GLT8D2: variants seen among roughly 807,000 people sequenced by gnomAD.
GLT8D2 encodes glycosyltransferase 8 domain-containing protein 2.
Under a neutral mutation model 44.5 loss-of-function variants are expected in GLT8D2, and 45 were observed. The observed-to-expected ratio is 1.01, with a 90% confidence interval of 0.80 to 1.30. The LOEUF is 1.30. Among genes scored for constraint, GLT8D2 ranks in the 50% most tolerant of loss-of-function variants. The pLI, the probability that GLT8D2 is intolerant of heterozygous loss-of-function variation, is 0.00. For missense variants in GLT8D2, 400 were observed against 430.4 expected (o/e 0.93, Z 0.62); for synonymous variants, 156 against 157.2 (o/e 0.99, Z 0.06).
intron 2 of GLT8D2, 111 bp from the exon 3 acceptor site, chr12:104,019,787 G>T: frequency 1.6e-6 from 1 of 618,000 alleles, no homozygotes; most frequent in South Asian, 2.5e-5. Flanking sequence ...TGAAGTGTGT[G>T]ATCATTTTTT....
chr12:103,999,536 C>A (rs1873933049), intron 5 of GLT8D2, 22 bp from the exon 6 acceptor site: 3 of 1,388,842 alleles, frequency 2.2e-6, no homozygotes, highest in Non-Finnish European at 3.1e-6. Flanking sequence ...ACCAAAAAAA[C>A]CTCTAGTATA....
intron 1 of GLT8D2, among the ~76,000 whole-genome samples, chr12:104,060,209 C>T (rs1687271372): frequency 6.6e-6 from 1 of 152,178 alleles, no homozygotes; most frequent in Non-Finnish European, 1.5e-5. Flanking sequence ...ACTTCTCTGG[C>T]TACCTATTCT....
intron 1 of GLT8D2, among the ~76,000 whole-genome samples, chr12:104,023,870 T>G (rs1011044522): frequency 6.6e-6 from 1 of 152,236 alleles, no homozygotes; most frequent in Non-Finnish European, 1.5e-5. Flanking sequence ...ACCAATAGTT[T>G]GTACCTTTTT....
rs1029921424 is a variant in GLT8D2, at chr12:104,014,413, G to A, written c.112+600C>T. The A allele has an allele frequency of 6.6e-6, 4 of 608,798 alleles. No individual in the cohort carries two copies. The African/African-American group carries it at 7.4e-5, about 11-fold the overall frequency. The allele number at this position is 608,798 out of a possible 1,614,324, so 37.7% of individuals were successfully genotyped here. A position where few individuals can be genotyped will look rare whatever the true frequency, so the allele number is the denominator to read the frequency against. On this transcript the variant is annotated intron_variant, in intron 4 of 10. Transcript: ENST00000360814. The stretch of plus-strand genomic sequence containing the variant: ...AACAGTGCTTCCTGATTTTTATGGA[G>A]GTTGACTTTGTGTGTGCATTGGAGT...
chr12:104,032,754 G>A (rs1015656402), intron 1 of GLT8D2, among the ~76,000 whole-genome samples: 2 of 151,886 alleles, frequency 1.3e-5, no homozygotes, highest in African/African-American at 4.8e-5. Flanking sequence ...ACAATATGGA[G>A]GTCTCTCAAA....
chr12:104,054,314 G>C (rs1881989482), upstream of GLT8D2, among the ~76,000 whole-genome samples: 1 of 152,004 alleles, frequency 6.6e-6, no homozygotes, highest in African/African-American at 2.4e-5. Context: ...ATGCCCTCAA[G>C]TTTCATCCAC....
In GLT8D2 at chr12:104,018,752, T is replaced by A. The variant is rs1249081414; in HGVS notation, c.19+878A>T. Among the ~76,000 whole-genome samples, 6 of 152,160 alleles carry A rather than the reference T, an allele frequency of 3.9e-5. No individual in the cohort carries two copies. In the East Asian group the frequency reaches 9.6e-4, roughly 24 times the overall value. On this transcript the variant is annotated intron_variant, in intron 3 of 10. Coordinates refer to ENST00000360814, the MANE Select transcript of GLT8D2 (RefSeq NM_001384711.1). Reference sequence around the variant, plus strand: ...ACCCAGGCAAGTATGTCTCATGCAATATTTGGGACATACTTATACTAAAAA... The same window carrying A: ...ACCCAGGCAAGTATGTCTCATGCAAAATTTGGGACATACTTATACTAAAAA...
chr12:104,014,354 CA>C (rs370390281), intron 4 of GLT8D2: 2,687 of 556,702 alleles, frequency 4.8e-3, no homozygotes, highest in South Asian at 8.3e-3. Flanking sequence ...GATTCTGTCT[CA>C]AAAAAAAAAG....
At chr12:104,028,139 C>T (rs111454125) in intron 1 of GLT8D2, among the ~76,000 whole-genome samples, 5,550 of 152,226 alleles carry the variant, frequency 0.036, 340 homozygotes, top group African/African-American at 0.13. Flanking sequence ...TAATCGCATG[C>T]CAATTGCAAG....
intron 1 of GLT8D2, among the ~76,000 whole-genome samples, chr12:104,056,375 T>C (rs990855491): frequency 1.3e-5 from 2 of 152,150 alleles, no homozygotes; most frequent in Non-Finnish European, 2.9e-5. Flanking sequence ...GAGTCCTCAA[T>C]TGAGATTAAA....
intron 1 of GLT8D2, among the ~76,000 whole-genome samples, chr12:104,026,000 C>T (rs1407161973): frequency 1.3e-5 from 2 of 152,126 alleles, no homozygotes; most frequent in African/African-American, 4.8e-5. Context: ...ATAATGTGGC[C>T]AGGTATGGTG....
Position 103,997,532 on chromosome 12 carries a change from T to C in GLT8D2, c.406A>G (p.Asn136Asp), listed in dbSNP as rs745761428. The change falls in exon 7 of 11, where the codon AAC (asparagine) becomes GAC (aspartate). Residue 136 changes from asparagine (N) to aspartate (D), a missense_variant. Coordinates refer to ENST00000360814, the MANE Select transcript of GLT8D2 (RefSeq NM_001384711.1). ...SSRPELLQPL[N>D]FVRFYLPLLI... Reference sequence around the variant, plus strand: ...AGAGGGAGATAAAATCGAACAAAGTTCAGCTGTTAAAACGACAAAAGAAAT... The same window carrying C: ...AGAGGGAGATAAAATCGAACAAAGTCCAGCTGTTAAAACGACAAAAGAAAT... 1.9e-6 allele frequency: 3 copies of C among 1,612,236 alleles called. No homozygotes were observed. Among genetic ancestry groups the C allele is most frequent in the Non-Finnish European group, 2.5e-6 (3 of 1,178,442 alleles).
At chr12:104,017,881 C>T (rs148079569) in intron 3 of GLT8D2, among the ~76,000 whole-genome samples, 13 of 152,282 alleles carry the variant, frequency 8.5e-5, no homozygotes, top group East Asian at 3.9e-4. Flanking sequence ...AGCATTACCT[C>T]GCACTACTGT....
chr12:104,019,568 G>A, intron 3 of GLT8D2, 62 bp downstream of exon 3: 5 of 1,319,734 alleles, frequency 3.8e-6, no homozygotes, highest in Non-Finnish European at 5.4e-6. Flanking sequence ...CCAAGCCCCA[G>A]CCTCAAAACC....
At chr12:104,060,500 T>C (rs897308350) in intron 1 of GLT8D2, among the ~76,000 whole-genome samples, 2 of 152,352 alleles carry the variant, frequency 1.3e-5, no homozygotes, top group African/African-American at 2.4e-5. Context: ...CCAAAAGACA[T>C]GCTGAAGCCT....
chr12:104,022,762 ACACACACATG>A (rs903912736), intron 1 of GLT8D2, among the ~76,000 whole-genome samples: 1 of 151,640 alleles, frequency 6.6e-6, no homozygotes, highest in African/African-American at 2.4e-5. Context: ...ACACACACAC[ACACACACATG>A]CACACACACA....
chr12:104,029,246 C>T (rs1173586301), intron 1 of GLT8D2, among the ~76,000 whole-genome samples: 1 of 152,058 alleles, frequency 6.6e-6, no homozygotes, highest in East Asian at 1.9e-4. Flanking sequence ...GCCGAGATTG[C>T]ACCACTGTAC....
chr12:104,015,144 G>A, intron 3 of GLT8D2, 39 bp from the exon 4 acceptor site: 1 of 1,502,240 alleles, frequency 6.7e-7, no homozygotes, highest in Non-Finnish European at 9.2e-7. Context: ...TTGAACCTAT[G>A]AACCTGAAAT....
At chr12:104,054,201 C>A (rs1881977980), upstream of GLT8D2, among the ~76,000 whole-genome samples, 1 of 152,112 alleles carries the variant, frequency 6.6e-6, no homozygotes, top group Non-Finnish European at 1.5e-5. Flanking sequence ...AACCACCATT[C>A]CACCTACTCC....
Sources: gnomAD v4.1 joint callset for allele counts (sites outside exome capture counted in the v4.1 genomes callset) on GRCh38, gnomAD v4.1.1 for gene constraint, MANE v1.5 for transcripts, NCBI Gene and HGNC (gene_info 2026-07-23, HGNC 2026-07-21) for gene names.